SIPA1L2: variants seen among roughly 807,000 people sequenced by gnomAD.
SIPA1L2 encodes the protein signal-induced proliferation-associated 1-like protein 2.
In SIPA1L2, 56 loss-of-function variants were observed where a neutral mutation model predicts 163.9. The ratio of observed to expected loss-of-function variants is 0.34; its 90% CI spans 0.28 to 0.43. The LOEUF is 0.43. Among genes scored for constraint, SIPA1L2 ranks in the 20% least tolerant of loss-of-function variants. SIPA1L2 has a pLI of 1.00. For missense variants in SIPA1L2, 1,974 were observed against 2,193.5 expected (o/e 0.90, Z 2.00); for synonymous variants, 877 against 865.7 (o/e 1.01, Z -0.23).
intron 15 of SIPA1L2, among the ~76,000 whole-genome samples, chr1:232,436,776 G>A (rs377614634): frequency 6.6e-6 from 1 of 152,128 alleles, no homozygotes; most frequent in African/African-American, 2.4e-5. Context: ...CCTCCTCCTC[G>A]CCTCCTGTGC....
At chr1:232,537,656 A>G (rs1422620109) in intron 2 of SIPA1L2, among the ~76,000 whole-genome samples, 2 of 152,228 alleles carry the variant, frequency 1.3e-5, no homozygotes, top group African/African-American at 4.8e-5. Context: ...TCAGACGCCA[A>G]GGTCAGAACC....
intron 10 of SIPA1L2, among the ~76,000 whole-genome samples, chr1:232,453,746 CTT>C (rs10711839): frequency 0.011 from 1,423 of 130,148 alleles, 18 homozygotes; most frequent in African/African-American, 0.037. Context: ...AAACACAAGG[CTT>C]TTTTTTTTTT....
intron 4 of SIPA1L2, among the ~76,000 whole-genome samples, chr1:232,492,488 G>C (rs1398963152): frequency 6.6e-6 from 1 of 152,026 alleles, no homozygotes; most frequent in African/African-American, 2.4e-5. Flanking sequence ...TGGGACAATA[G>C]GCATGTGTCA....
intron 2 of SIPA1L2, among the ~76,000 whole-genome samples, chr1:232,549,130 C>A (rs953024860): frequency 2.0e-5 from 3 of 152,232 alleles, no homozygotes; most frequent in African/African-American, 7.2e-5. Flanking sequence ...CACCAGCACC[C>A]TGTCCTCCAC....
chr1:232,501,256 A>G (rs1485132124), intron 3 of SIPA1L2, among the ~76,000 whole-genome samples: 2 of 151,960 alleles, frequency 1.3e-5, no homozygotes, highest in Non-Finnish European at 2.9e-5. Flanking sequence ...AGATATGTAC[A>G]CTGTTCTTTT....
chr1:232,604,687 A>C (rs1349306724), intron 1 of SIPA1L2, among the ~76,000 whole-genome samples: 1 of 152,118 alleles, frequency 6.6e-6, no homozygotes, highest in Non-Finnish European at 1.5e-5. Context: ...GTTGGAGGTG[A>C]GGCCTGGTGG....
intron 1 of SIPA1L2, among the ~76,000 whole-genome samples, chr1:232,608,514 T>C (rs1662082370): frequency 6.6e-6 from 1 of 152,246 alleles, no homozygotes; most frequent in Non-Finnish European, 1.5e-5. Flanking sequence ...ATCAAGAGGT[T>C]GGTGCCCTCT....
In SIPA1L2 at chr1:232,616,628, T is replaced by C. The variant is rs139776943; in HGVS notation, c.-319+13241A>G. ...GAGAGCAGCCTACCTGTCCGGACTTTGGGCTGTCACCCTAGAAAGAAATCA... is the reference window on the plus strand; with the variant it reads ...GAGAGCAGCCTACCTGTCCGGACTTCGGGCTGTCACCCTAGAAAGAAATCA... On this transcript the variant is annotated intron_variant, in intron 1 of 22. Transcript: ENST00000674635. Among the ~76,000 whole-genome samples, 413 of 152,328 alleles carry C rather than the reference T, an allele frequency of 2.7e-3. 2 individuals are homozygous for C. Among genetic ancestry groups the C allele is most frequent in the Middle Eastern group, 6.8e-3 (2 of 294 alleles).
chr1:232,402,470 C>T lies in SIPA1L2; in HGVS notation c.4944G>A (p.Glu1648=). 1 of 1,612,698 alleles carries T rather than the reference C, an allele frequency of 6.2e-7. No individual in the cohort carries two copies. Among genetic ancestry groups the T allele is most frequent in the Non-Finnish European group, 8.5e-7 (1 of 1,179,000 alleles). ...SGKEFMDTTG[E]RSPSPLTGKV... ...TCCCGGTCAGTGGTGATGGAGAACGCTCCCTAGCAAATAAGGATAGAATTA... is the reference window on the plus strand; with the variant it reads ...TCCCGGTCAGTGGTGATGGAGAACGTTCCCTAGCAAATAAGGATAGAATTA... The change falls in exon 22 of 23, where the codon GAG becomes GAA. Residue 1648 remains glutamate (E), a synonymous_variant. Transcript: ENST00000674635.
chr1:232,587,315 C>G (rs1660720204), intron 1 of SIPA1L2, among the ~76,000 whole-genome samples: 1 of 152,168 alleles, frequency 6.6e-6, no homozygotes, highest in African/African-American at 2.4e-5. Context: ...CATGGCCCCA[C>G]ACGTCTATCA....
chr1:232,561,825 G>A (rs1375201340), intron 2 of SIPA1L2, among the ~76,000 whole-genome samples: 1 of 152,192 alleles, frequency 6.6e-6, no homozygotes, highest in Non-Finnish European at 1.5e-5. Context: ...GCAGGAGCAG[G>A]AGAGAGGGAT....
At chr1:232,419,597 GTCTTGCTCCTTC>G (rs1158523414) in intron 18 of SIPA1L2, among the ~76,000 whole-genome samples, 1 of 152,084 alleles carries the variant, frequency 6.6e-6, no homozygotes, top group East Asian at 1.9e-4. Flanking sequence ...CATGGACTCT[GTCTTGCTCCTTC>G]TCTTGCTATG....
chr1:232,521,645 G>A (rs547497618), intron 2 of SIPA1L2, among the ~76,000 whole-genome samples: 6 of 152,200 alleles, frequency 3.9e-5, no homozygotes, highest in African/African-American at 1.4e-4. Context: ...AAATTGAAAT[G>A]ACTGCAGACC....
intron 1 of SIPA1L2, among the ~76,000 whole-genome samples, chr1:232,577,206 C>T (rs1430419000): frequency 6.6e-6 from 1 of 152,102 alleles, no homozygotes; most frequent in Non-Finnish European, 1.5e-5. Flanking sequence ...TCTACTCTGC[C>T]CGTGCTCTAT....
At chr1:232,541,470 G>C (rs1183599502) in intron 2 of SIPA1L2, among the ~76,000 whole-genome samples, 1 of 152,130 alleles carries the variant, frequency 6.6e-6, no homozygotes, top group Non-Finnish European at 1.5e-5. Context: ...AGGCCCAAGT[G>C]CAAGTAAGGC....
At position 232,425,697 on chromosome 1, in the gene SIPA1L2, C is replaced by T. The variant is rs1483251942; in HGVS notation, c.4522G>A (p.Val1508Met). Reference protein sequence around the residue: ...GSSFGSSRSSVLDQALPNDIL... With the variant: ...GSSFGSSRSSMLDQALPNDIL... The stretch of plus-strand genomic sequence containing the variant: ...TCGTTGGGCAGGGCCTGGTCAAGCA[C>T]GGAACTCCGGGAACTGCCAAAGGAG... Residue 1508 changes from valine (V) to methionine (M), a missense_variant, in exon 18 of 23, where the codon GTG becomes ATG. This residue lies in a region of SIPA1L2 where 1,079 missense variants were observed against 1,150.7 expected (regional missense o/e 0.94). Coordinates refer to ENST00000674635, the MANE Select transcript of SIPA1L2 (RefSeq NM_020808.5). 3.7e-5 allele frequency: 60 copies of T among 1,613,848 alleles called. No homozygotes were observed. In the East Asian group the frequency reaches 1.2e-3, roughly 34 times the overall value.
chr1:232,543,312 G>A (rs1418428919), intron 2 of SIPA1L2, among the ~76,000 whole-genome samples: 1 of 152,154 alleles, frequency 6.6e-6, no homozygotes, highest in Non-Finnish European at 1.5e-5. Context: ...CAATACAGCT[G>A]GCCCTTGAAC....
intron 2 of SIPA1L2, among the ~76,000 whole-genome samples, chr1:232,529,266 T>C (rs985219591): frequency 1.6e-4 from 24 of 152,224 alleles, no homozygotes; most frequent in African/African-American, 5.5e-4. Context: ...CTTCTTCCAC[T>C]GGAAGTGGCA....
chr1:232,451,104 C>T (rs1322571872), intron 10 of SIPA1L2, among the ~76,000 whole-genome samples: 8 of 152,106 alleles, frequency 5.3e-5, no homozygotes, highest in Non-Finnish European at 1.5e-5. Context: ...CTAGATTTTG[C>T]TTTGTTTACT....
Sources: gnomAD v4.1 joint callset for allele counts (sites outside exome capture counted in the v4.1 genomes callset) on GRCh38, gnomAD v4.1.1 for gene constraint, gnomAD v4.1.1 regional missense constraint, MANE v1.5 for transcripts, NCBI Gene and HGNC (gene_info 2026-07-23, HGNC 2026-07-21) for gene names.